Variants in TJP1 observed in about 807,000 individuals in gnomAD.
TJP1 encodes the protein tight junction protein 1.
TJP1 carries 43 observed loss-of-function variants against 194.2 expected under a neutral mutation model. The ratio of observed to expected loss-of-function variants is 0.22; its 90% CI spans 0.17 to 0.29. The LOEUF (loss-of-function observed/expected upper bound fraction) is 0.29. Among genes scored for constraint, TJP1 ranks in the 10% least tolerant of loss-of-function variants. TJP1 has a pLI of 1.00. For synonymous variants in TJP1, 801 were observed against 779.0 expected (o/e 1.03, Z -0.47); for missense variants, 1,971 against 2,185.7 (o/e 0.90, Z 1.96).
intron 2 of TJP1, among the ~76,000 whole-genome samples, chr15:29,780,288 T>C (rs553989549): frequency 6.6e-6 from 1 of 151,912 alleles, no homozygotes; most frequent in East Asian, 1.9e-4. Flanking sequence ...TGCAACTAGA[T>C]GGTCCCATCT....
rs2052513018 is a variant in TJP1 at position 29,871,378 on chromosome 15, T to TTCCA, written c.307-70680_307-70677dup. Among the ~76,000 whole-genome samples, 5 of 152,354 alleles carry TTCCA rather than the reference T, an allele frequency of 3.3e-5. No individual in the cohort carries two copies. In the South Asian group the frequency reaches 8.3e-4, roughly 25 times the overall value. Reference sequence around the variant, plus strand: ...GTAGCTAATCAAAAATGACATCTCCTTCCAGCTCCCCTCACTCCCACCATG... The same window carrying TTCCA: ...GTAGCTAATCAAAAATGACATCTCCTTCCATCCAGCTCCCCTCACTCCCACCATG... On this transcript the variant is annotated intron_variant, in intron 2 of 28. Coordinates refer to the TJP1 transcript ENST00000356107.
intron 2 of TJP1, among the ~76,000 whole-genome samples, chr15:29,906,199 G>A (rs2053803934): frequency 1.3e-5 from 2 of 152,058 alleles, no homozygotes; most frequent in South Asian, 4.1e-4. Flanking sequence ...TAGGCCGGGC[G>A]CGGTGGCTCA....
intron 24 of TJP1, among the ~76,000 whole-genome samples, chr15:29,710,153 A>G (rs1283781068): frequency 6.8e-6 from 1 of 147,260 alleles, no homozygotes; most frequent in Non-Finnish European, 1.5e-5. Flanking sequence ...CAAAAAGAGG[A>G]AAAAAAAAAA....
At position 29,867,645 on chromosome 15, in the gene TJP1, T is replaced by C. The variant is rs190911138; in HGVS notation, c.307-66943A>G. 8.3e-4 allele frequency among the ~76,000 whole-genome samples: 127 copies of C among 152,326 alleles called. 1 individual carries two copies. Among genetic ancestry groups the C allele is most frequent in the African/African-American group, 3.0e-3 (123 of 41,588 alleles). ...AGAATTGGCTGGGCATGGTGGCTCATGCCTGTAATCCCAGCACTCTGGGAG... is the reference window on the plus strand; with the variant it reads ...AGAATTGGCTGGGCATGGTGGCTCACGCCTGTAATCCCAGCACTCTGGGAG... On this transcript the variant is annotated intron_variant, in intron 2 of 28. Coordinates refer to the TJP1 transcript ENST00000356107.
intron 8 of TJP1, among the ~76,000 whole-genome samples, chr15:29,758,150 A>G (rs1346891505): frequency 6.6e-6 from 1 of 152,206 alleles, no homozygotes; most frequent in Non-Finnish European, 1.5e-5. Flanking sequence ...GTAAGCTTCC[A>G]CTCAACAGTA....
chr15:29,710,768 A>C, intron 24 of TJP1, 63 bp downstream of exon 24: 1 of 1,604,520 alleles, frequency 6.2e-7, no homozygotes, highest in Admixed American at 1.7e-5. Flanking sequence ...TTTGCCTAGA[A>C]ACCACCAGAA....
At chr15:29,961,570 G>A (rs181082971) in intron 1 of TJP1, among the ~76,000 whole-genome samples, 150 of 152,188 alleles carry the variant, frequency 9.9e-4, no homozygotes, top group African/African-American at 3.2e-3. Flanking sequence ...AACTTCCCTT[G>A]TGAGAGTGTA....
intron 2 of TJP1, among the ~76,000 whole-genome samples, chr15:29,837,044 A>G (rs1256025530): frequency 1.3e-5 from 2 of 152,248 alleles, no homozygotes; most frequent in Non-Finnish European, 2.9e-5. Context: ...GGACTAAGAC[A>G]AACATAAAAG....
chr15:29,814,756 G>A (rs1159877656), intron 1 of TJP1, among the ~76,000 whole-genome samples: 2 of 152,028 alleles, frequency 1.3e-5, no homozygotes, highest in African/African-American at 2.4e-5. Flanking sequence ...CCTCCTTTCC[G>A]GACATGATAA....
At chr15:29,922,281 G>T (rs2054390475) in intron 2 of TJP1, among the ~76,000 whole-genome samples, 1 of 152,268 alleles carries the variant, frequency 6.6e-6, no homozygotes, top group East Asian at 1.9e-4. Context: ...CTAGGAGTTT[G>T]AGACCAGCCT....
Position 29,708,658 on chromosome 15 carries a change from G to A in TJP1, c.4751C>T (p.Pro1584Leu). The A allele has an allele frequency of 6.2e-7, 1 of 1,614,214 alleles. No homozygotes were observed. Reference protein sequence around the residue: ...LVKSHSLAQPPEFDSGVETFS... With the variant: ...LVKSHSLAQPLEFDSGVETFS... The stretch of plus-strand genomic sequence containing the variant: ...AGTTTCAACTCCACTGTCAAACTCA[G>A]GAGGCTGTGCCAAACTGTGCGATTT... Residue 1584 changes from proline (P) to leucine (L), a missense_variant, in exon 25 of 28, where the codon CCT becomes CTT. By Grantham distance (98) the Pro-to-Leu change is moderately conservative (BLOSUM62 -3). This residue lies in a region of TJP1 where 1,108 missense variants were observed against 1,128.5 expected (regional missense o/e 0.98). Coordinates refer to ENST00000614355, the MANE Select transcript of TJP1 (RefSeq NM_001330239.4).
intron 1 of TJP1, among the ~76,000 whole-genome samples, chr15:29,807,698 A>T (rs1875860416): frequency 6.6e-6 from 1 of 152,194 alleles, no homozygotes; most frequent in Non-Finnish European, 1.5e-5. Context: ...GTAACAAATG[A>T]ACATAACTAT....
chr15:29,733,404 CAAT>C (rs1219109434), intron 12 of TJP1, 91 bp from the exon 13 acceptor site: 14 of 865,068 alleles, frequency 1.6e-5, no homozygotes, highest in Middle Eastern at 3.4e-4. Flanking sequence ...ATGATAATAT[CAAT>C]AATAATATCC....
intron 23 of TJP1, among the ~76,000 whole-genome samples, chr15:29,713,000 G>A (rs2878893): frequency 0.79 from 120,816 of 152,100 alleles, 48,485 homozygotes; most frequent in East Asian, 0.86. Flanking sequence ...ATCTCCAATC[G>A]TAAGCTGGGC....
At chr15:29,789,644 G>T (rs1411518378) in intron 2 of TJP1, among the ~76,000 whole-genome samples, 1 of 152,184 alleles carries the variant, frequency 6.6e-6, no homozygotes, top group South Asian at 2.1e-4. Flanking sequence ...AGCAGAAAAT[G>T]TTAGGTTCTC....
chr15:29,740,841 T>A (rs1469416373), intron 10 of TJP1, among the ~76,000 whole-genome samples: 2 of 151,952 alleles, frequency 1.3e-5, no homozygotes, highest in Non-Finnish European at 2.9e-5. Flanking sequence ...CAAGGAAACA[T>A]CTGGCAATGT....
chr15:29,956,506 G>A lies in TJP1; in HGVS notation c.174-142C>T, dbSNP rs533353641. 1,083 of 650,000 alleles carry A rather than the reference G, an allele frequency of 1.7e-3. 15 individuals carry two copies. In the Middle Eastern group the frequency reaches 0.028, roughly 17 times the overall value. The allele number at this position is 650,000 out of a possible 1,614,324, so 40.3% of individuals were successfully genotyped here. On this transcript the variant is annotated intron_variant, in intron 1 of 28. Coordinates refer to the TJP1 transcript ENST00000356107. ...CCAAAAAGCTAAGAACCACAGCAGA[G>A]CTACATTCTATCAGATACCCTTTCT... is the stretch of plus-strand genomic sequence containing the variant.
chr15:29,922,821 TA>T (rs1435462780), intron 2 of TJP1, among the ~76,000 whole-genome samples: 2 of 152,202 alleles, frequency 1.3e-5, no homozygotes, highest in Admixed American at 6.5e-5. Context: ...AAGATATTGT[TA>T]AAATTTTAAT....
rs1567225319 is a variant in TJP1, at chr15:29,949,546, C to CTCCACT, written c.306+6685_306+6686insAGTGGA. Among the ~76,000 whole-genome samples, 253 of 141,072 alleles carry CTCCACT rather than the reference C, an allele frequency of 1.8e-3. 2 individuals are homozygous for CTCCACT. Among genetic ancestry groups the CTCCACT allele is most frequent in the Non-Finnish European group, 3.1e-3 (197 of 62,914 alleles). The allele number at this position is 141,072 out of a possible 152,430, so 92.5% of individuals were successfully genotyped here. ...CCACCACCACCTCCACCACCACCAC[C>CTCCACT]TCCACAACCACCACCTCCACTTCCA... is the stretch of plus-strand genomic sequence containing the variant. On this transcript the variant is annotated intron_variant, in intron 2 of 28. Transcript: ENST00000356107.
Sources: gnomAD v4.1 joint callset for allele counts (sites outside exome capture counted in the v4.1 genomes callset) on GRCh38, gnomAD v4.1.1 for gene constraint, gnomAD v4.1.1 regional missense constraint, MANE v1.5 for transcripts, NCBI Gene and HGNC (gene_info 2026-07-23, HGNC 2026-07-21) for gene names.